DSCAM: variants seen among roughly 807,000 people sequenced by gnomAD.
DSCAM encodes DS cell adhesion molecule.
A neutral mutation model predicts 217.7 loss-of-function variants in DSCAM; 47 were observed. The observed-to-expected ratio is 0.22, with a 90% CI of 0.17 to 0.28. The LOEUF is 0.28. DSCAM is among the 10% of genes least tolerant of loss of function. The pLI, the probability that DSCAM is intolerant of heterozygous loss-of-function variation, is 1.00. For synonymous variants in DSCAM, 1,056 were observed against 1,015.3 expected (o/e 1.04, Z -0.76); for missense variants, 2,080 against 2,618.3 (o/e 0.79, Z 4.49).
intron 21 of DSCAM, among the ~76,000 whole-genome samples, chr21:40,091,915 C>T (rs1241059618): frequency 6.6e-6 from 1 of 152,120 alleles, no homozygotes; most frequent in Non-Finnish European, 1.5e-5. Context: ...TCCCATGACA[C>T]TTGGAAATTA....
intron 3 of DSCAM, among the ~76,000 whole-genome samples, chr21:40,611,223 T>A (rs1286531015): frequency 6.6e-6 from 1 of 151,880 alleles, no homozygotes; most frequent in African/African-American, 2.4e-5. Flanking sequence ...CACCCACAGC[T>A]AATTTTTGTA....
At chr21:40,806,117 C>T (rs2091784668) in intron 1 of DSCAM, among the ~76,000 whole-genome samples, 1 of 152,192 alleles carries the variant, frequency 6.6e-6, no homozygotes, top group Non-Finnish European at 1.5e-5. Flanking sequence ...TCAGATCCTT[C>T]AGCACATCAT....
chr21:40,554,204 T>TTG (rs1416033938), intron 3 of DSCAM, among the ~76,000 whole-genome samples: 1 of 151,866 alleles, frequency 6.6e-6, no homozygotes, highest in African/African-American at 2.4e-5. Flanking sequence ...TAGTTTTTTT[T>TTG]TTTTTTTTTA....
chr21:40,843,007 A>G (rs1233314867), intron 1 of DSCAM, among the ~76,000 whole-genome samples: 2 of 152,180 alleles, frequency 1.3e-5, no homozygotes, highest in Non-Finnish European at 2.9e-5. Flanking sequence ...TCTGTTTAAT[A>G]AAGATGGGGG....
intron 11 of DSCAM, among the ~76,000 whole-genome samples, chr21:40,202,028 C>T (rs115875698): frequency 0.012 from 1,813 of 152,252 alleles, 36 homozygotes; most frequent in African/African-American, 0.042. Context: ...CTTCTACCTT[C>T]TACTTGGGTG....
chr21:40,368,313 T>C (rs891223821), intron 4 of DSCAM, among the ~76,000 whole-genome samples: 18 of 152,214 alleles, frequency 1.2e-4, no homozygotes, highest in Admixed American at 9.8e-4. Context: ...ATAGTTATTA[T>C]TCATTTTCTA....
chr21:40,482,889 G>A (rs959729626), intron 3 of DSCAM, among the ~76,000 whole-genome samples: 2 of 152,216 alleles, frequency 1.3e-5, no homozygotes, highest in Non-Finnish European at 2.9e-5. Flanking sequence ...TGAACATGAG[G>A]TGACAATACA....
chr21:40,214,745 AAAAAAAACAAAAC>A (rs1168680044), intron 11 of DSCAM, among the ~76,000 whole-genome samples: 9 of 151,574 alleles, frequency 5.9e-5, no homozygotes, highest in South Asian at 2.1e-4. Flanking sequence ...CAAAAAAAAA[AAAAAAAACAAAAC>A]AAAAAACAAC....
chr21:40,671,508 C>A (rs9975811), intron 3 of DSCAM, among the ~76,000 whole-genome samples: 124,271 of 151,358 alleles, frequency 0.82, 52,346 homozygotes, highest in East Asian at 1. Context: ...ACTCCCCCCC[C>A]GCACCGTCTC....
chr21:40,807,379 AT>A (rs2091797439), intron 1 of DSCAM, among the ~76,000 whole-genome samples: 1 of 151,746 alleles, frequency 6.6e-6, no homozygotes, highest in African/African-American at 2.4e-5. Context: ...ACCAGTTCCT[AT>A]GCCTGGACTT....
intron 3 of DSCAM, among the ~76,000 whole-genome samples, chr21:40,421,267 G>A (rs1315580911): frequency 6.6e-6 from 1 of 152,144 alleles, no homozygotes; most frequent in Non-Finnish European, 1.5e-5. Flanking sequence ...CACCCCTGAC[G>A]TTAGAACCTG....
In DSCAM at chr21:40,339,157, G is replaced by C; in HGVS notation, c.1469C>G (p.Ala490Gly). 4 of 1,614,116 alleles carry C rather than the reference G, an allele frequency of 2.5e-6. No homozygotes were observed. The highest frequency in any genetic ancestry group is 3.4e-6 in the Non-Finnish European group (4 of 1,180,012). Residue 490 changes from alanine to glycine, a missense_variant, in exon 7 of 33, where the codon GCG (alanine) becomes GGG (glycine). Ala to Gly is a moderately conservative substitution (Grantham distance 60, BLOSUM62 0). Coordinates refer to ENST00000400454, the MANE Select transcript of DSCAM (RefSeq NM_001389.5). ...TCGAGCCTGGTACAGGACGACTCCC[G>C]CCGAGTTGTTGGCAGTGCAGCGGTA... is the stretch of plus-strand genomic sequence containing the variant. ...GVYRCTANNS[A>G]GVVLYQARIN...
chr21:40,159,984 G>T (rs1425864171), intron 16 of DSCAM, among the ~76,000 whole-genome samples: 1 of 152,186 alleles, frequency 6.6e-6, no homozygotes, highest in Non-Finnish European at 1.5e-5. Flanking sequence ...ATCAGAAATG[G>T]CAGTGCTGTC....
chr21:40,188,928 G>T, intron 12 of DSCAM, 114 bp downstream of exon 12: 2 of 1,077,160 alleles, frequency 1.9e-6, no homozygotes, highest in Non-Finnish European at 2.8e-6. Context: ...ATAGTGCTTC[G>T]TAAATAAATT....
At chr21:40,731,318 C>T (rs1430384747) in intron 1 of DSCAM, among the ~76,000 whole-genome samples, 5 of 152,074 alleles carry the variant, frequency 3.3e-5, no homozygotes, top group African/African-American at 4.8e-5. Flanking sequence ...TCACTAAATA[C>T]CAGGACAGAC....
chr21:40,241,126 A>G (rs2073147139), intron 11 of DSCAM, among the ~76,000 whole-genome samples: 1 of 152,240 alleles, frequency 6.6e-6, no homozygotes, highest in Non-Finnish European at 1.5e-5. Flanking sequence ...ACAAAAGCAA[A>G]AATTGACAAG....
At chr21:40,686,568 T>G (rs144925453) in intron 3 of DSCAM, among the ~76,000 whole-genome samples, 1 of 152,216 alleles carries the variant, frequency 6.6e-6, no homozygotes, top group African/African-American at 2.4e-5. Flanking sequence ...CCTATCTCTA[T>G]GTGTCTATCT....
In DSCAM at chr21:40,737,902, T is replaced by A. The variant is rs181712955; in HGVS notation, c.44-29131A>T. Among the ~76,000 whole-genome samples, 24 of 152,286 alleles carry A rather than the reference T, an allele frequency of 1.6e-4. No individual in the cohort carries two copies. The East Asian group carries it at 4.5e-3, about 28-fold the overall frequency. ...TACCTCCTGTCATGCAGAAACCACC[T>A]TCTTTTTCTGAAGGCACAGTCAATA... On this transcript the variant is annotated intron_variant, in intron 1 of 32. Coordinates refer to ENST00000400454, the MANE Select transcript of DSCAM (RefSeq NM_001389.5).
At chr21:40,476,517 G>T (rs2075937544) in intron 3 of DSCAM, among the ~76,000 whole-genome samples, 1 of 152,150 alleles carries the variant, frequency 6.6e-6, no homozygotes, top group African/African-American at 2.4e-5. Flanking sequence ...TTAATAAGAG[G>T]TATGTTTAAA....
Sources: allele counts gnomAD v4.1 joint callset (sites outside exome capture counted in the v4.1 genomes callset), GRCh38; gene constraint gnomAD v4.1.1; transcripts MANE v1.5; gene names NCBI Gene and HGNC (gene_info 2026-07-23, HGNC 2026-07-21).